Variants in TICRR observed in about 807,000 individuals in gnomAD.
TICRR encodes TOPBP1 interacting checkpoint and replication regulator, also known as treslin.
Under a neutral mutation model 178.1 loss-of-function variants are expected in TICRR, and 132 were observed. The observed-to-expected ratio is 0.74, with a 90% CI of 0.64 to 0.86. TICRR has a LOEUF of 0.86. TICRR is among the 40% of genes least tolerant of loss of function. The probability of loss-of-function intolerance (pLI) is 0.00; values close to 1 mark genes in which losing one functional copy is unlikely to be tolerated. For synonymous variants in TICRR, 991 were observed against 900.7 expected, an observed-to-expected ratio of 1.10 and a Z score of -1.79; for missense variants, 2,587 against 2,334.3, an observed-to-expected ratio of 1.11 and a Z score of -2.23.
At chr15:89,610,221 C>G (rs1368362241) in intron 15 of TICRR, among the ~76,000 whole-genome samples, 1 of 152,098 alleles carries the variant, frequency 6.6e-6, no homozygotes, top group African/African-American at 2.4e-5. Flanking sequence ...TGTGTTGGGT[C>G]TAGTGGATTT....
At position 89,616,474 on chromosome 15, in the gene TICRR, T is replaced by G. The variant is rs1963337346; in HGVS notation, c.2939T>G (p.Leu980Arg). ...CATAAGCAGATCTCCAAAAGGCTGC[T>G]GCACAGACAAATCAAGGGCAGGTGA... ...PVHKQISKRLLHRQIKGRSSD... is the reference protein window; with the variant it reads ...PVHKQISKRLRHRQIKGRSSD... Residue 980 changes from leucine to arginine, a missense_variant, in exon 16 of 22, where the codon CTG (leucine) becomes CGG (arginine). By Grantham distance (102) the Leu-to-Arg change is moderately radical. Coordinates refer to ENST00000268138, the MANE Select transcript of TICRR (RefSeq NM_152259.4). 3.7e-6 allele frequency: 6 copies of G among 1,613,880 alleles called. No homozygotes were observed. Among genetic ancestry groups the G allele is most frequent in the Non-Finnish European group, 4.2e-6 (5 of 1,179,896 alleles).
intron 15 of TICRR, among the ~76,000 whole-genome samples, chr15:89,611,736 T>G (rs907205937): frequency 6.6e-6 from 1 of 152,176 alleles, no homozygotes; most frequent in East Asian, 1.9e-4. Flanking sequence ...TCACTGATTC[T>G]TCTGCCAGCT....
rs1210988239 is a variant in TICRR, at chr15:89,599,790, G to A, written c.2052+315G>A. On this transcript the variant is annotated intron_variant, in intron 8 of 21. Transcript: ENST00000268138. ...GGTTTTTAACCCTGGCTATACTTTA[G>A]AATCACTTACAGCATTTAAAAAATA... Among the ~76,000 whole-genome samples the A allele has an allele frequency of 3.3e-5, 5 of 152,106 alleles. No individual in the cohort carries two copies. The East Asian group carries it at 9.6e-4, about 29-fold the overall frequency.
chr15:89,582,944 A>G lies in TICRR; in HGVS notation c.913A>G (p.Met305Val). 6.2e-7 allele frequency: 1 copy of G among 1,613,190 alleles called. No homozygotes were observed. The highest frequency in any genetic ancestry group is 8.5e-7 in the Non-Finnish European group (1 of 1,179,294). The change falls in exon 2 of 22, where the codon ATG becomes GTG. Residue 305 changes from methionine (M) to valine (V), a missense_variant. By Grantham distance (21) the Met-to-Val change is conservative (BLOSUM62 1). Transcript: ENST00000268138. ...GGCCTCGTTTCCACGAATGGAAGGA[A>G]TGTTATTTCTCCCTGTTGAAGGTAA... Reference protein sequence around the residue: ...YEASFPRMEGMLFLPVEAGKE... With the variant: ...YEASFPRMEGVLFLPVEAGKE...
In TICRR at chr15:89,595,438, G is replaced by C; in HGVS notation, c.1727G>C (p.Cys576Ser). 6.2e-7 allele frequency: 1 copy of C among 1,614,128 alleles called. No homozygotes were observed. Among genetic ancestry groups the C allele is most frequent in the Non-Finnish European group, 8.5e-7 (1 of 1,180,026 alleles). ...TPVRQKMNTM[C>S]RSLKMLNVAR... is the part of the protein sequence containing the mutation. ...GTGAGACAGAAGATGAATACCATGT[G>C]CCGTTCCTTAAAGATGTTGAATGTC... Residue 576 changes from cysteine (C) to serine (S), a missense_variant, in exon 7 of 22, where the codon TGC (cysteine) becomes TCC (serine). Coordinates refer to ENST00000268138, the MANE Select transcript of TICRR (RefSeq NM_152259.4).
At chr15:89,576,821 GTATATATATATATATATATATATA>G (rs369518649) in intron 1 of TICRR, among the ~76,000 whole-genome samples, 1 of 92,438 alleles carries the variant, frequency 1.1e-5, no homozygotes, top group African/African-American at 3.9e-5. Flanking sequence ...ATGTGTGTGT[GTATATATATATATATATATATATA>G]TATATATATA....
chr15:89,624,784 A>G lies in TICRR; in HGVS notation c.4474A>G (p.Arg1492Gly). The G allele has an allele frequency of 6.2e-7, 1 of 1,614,230 alleles. No individual in the cohort carries two copies. Among genetic ancestry groups the G allele is most frequent in the Non-Finnish European group, 8.5e-7 (1 of 1,180,038 alleles). Residue 1492 changes from arginine (R) to glycine (G), a missense_variant, in exon 20 of 22, where the codon AGG becomes GGG. By Grantham distance (125) the Arg-to-Gly change is moderately radical. Coordinates refer to ENST00000268138, the MANE Select transcript of TICRR (RefSeq NM_152259.4). Reference protein sequence around the residue: ...VLSVEEGEGLRTADAEKSSLS... With the variant: ...VLSVEEGEGLGTADAEKSSLS... Reference sequence around the variant, plus strand: ...ATCAGTGGAAGAGGGTGAGGGGCTAAGGACAGCAGATGCTGAGAAGTCTTC... The same window carrying G: ...ATCAGTGGAAGAGGGTGAGGGGCTAGGGACAGCAGATGCTGAGAAGTCTTC...
chr15:89,607,131 A>G (rs2141969579), intron 14 of TICRR, among the ~76,000 whole-genome samples: 1 of 152,274 alleles, frequency 6.6e-6, no homozygotes, highest in East Asian at 1.9e-4. Context: ...TTTAAGCATG[A>G]TAGCTAAATG....
intron 18 of TICRR, 137 bp from the exon 19 acceptor site, chr15:89,621,256 G>A (rs1320487610): frequency 1.3e-6 from 1 of 753,918 alleles, no homozygotes; most frequent in African/African-American, 1.9e-5. Context: ...CCTGACCTCA[G>A]ACCATCCACC....
intron 2 of TICRR, among the ~76,000 whole-genome samples, chr15:89,583,310 G>A (rs1050679267): frequency 3.9e-5 from 6 of 152,172 alleles, no homozygotes; most frequent in African/African-American, 1.4e-4. Flanking sequence ...GAAGACCATA[G>A]AGAAACAATG....
intron 16 of TICRR, among the ~76,000 whole-genome samples, chr15:89,617,481 T>C (rs1363561621): frequency 6.6e-6 from 1 of 152,134 alleles, no homozygotes; most frequent in African/African-American, 2.4e-5. Flanking sequence ...TGTTGTAAAA[T>C]TGCTTTCCAA....
Position 89,575,535 on chromosome 15 carries a change from G to A in TICRR, c.-52G>A, listed in dbSNP as rs571784136. ...CTGTTTCCCTGAAGGAAGGGACTAA[G>A]GGACGGTGGCGCGGGCCCGGACCGG... On this transcript the variant is annotated 5_prime_UTR_variant, in exon 1 of 22. Transcript: ENST00000268138. 17 of 1,437,936 alleles carry A rather than the reference G, an allele frequency of 1.2e-5. No individual in the cohort carries two copies. Among genetic ancestry groups the A allele is most frequent in the African/African-American group, 7.3e-5 (5 of 68,542 alleles). 89.1% of individuals were successfully genotyped at this position (1,437,936 alleles called of 1,614,324 possible).
intron 2 of TICRR, 86 bp from the exon 3 acceptor site, chr15:89,584,200 T>G: frequency 7.8e-7 from 1 of 1,288,422 alleles, no homozygotes; most frequent in Non-Finnish European, 1.1e-6. Flanking sequence ...TAAATCTCTT[T>G]TTAGTATCTA....
At chr15:89,582,987 G>T in intron 2 of TICRR, 22 bp downstream of exon 2, 25 of 1,229,234 alleles carry the variant, frequency 2.0e-5, no homozygotes, top group African/African-American at 6.3e-5. Flanking sequence ...ATATTTTAAG[G>T]TTTTTTTTTT....
chr15:89,609,057 T>A, intron 15 of TICRR, 108 bp downstream of exon 15: 1 of 994,294 alleles, frequency 1.0e-6, no homozygotes, highest in Non-Finnish European at 1.4e-6. Flanking sequence ...TTCTTCCCTC[T>A]TTTTTCCTTC....
intron 18 of TICRR, among the ~76,000 whole-genome samples, chr15:89,620,944 G>C (rs559394403): frequency 1.3e-5 from 2 of 151,292 alleles, no homozygotes; most frequent in African/African-American, 4.9e-5. Flanking sequence ...GGATAGTCTC[G>C]ATCTCCGACT....
intron 1 of TICRR, among the ~76,000 whole-genome samples, chr15:89,577,498 G>A (rs1962644556): frequency 6.7e-6 from 1 of 150,126 alleles, no homozygotes; most frequent in Non-Finnish European, 1.5e-5. Context: ...AAACAGATAA[G>A]CAAGTGACAA....
At position 89,617,750 on chromosome 15, in the gene TICRR, G is replaced by C. The variant is rs1423685139; in HGVS notation, c.2961-402G>C. Among the ~76,000 whole-genome samples, 7 of 150,312 alleles carry C rather than the reference G, an allele frequency of 4.7e-5. No individual in the cohort carries two copies. In the South Asian group the frequency reaches 1.3e-3, roughly 27 times the overall value. On this transcript the variant is annotated intron_variant, in intron 16 of 21. Coordinates refer to ENST00000268138, the MANE Select transcript of TICRR (RefSeq NM_152259.4). Reference sequence around the variant, plus strand: ...CTCTGTCGCCAGGCTGGAGTGCAGTGGCGCGATCCTGGCTCACTGCAACGT... The same window carrying C: ...CTCTGTCGCCAGGCTGGAGTGCAGTCGCGCGATCCTGGCTCACTGCAACGT...
chr15:89,585,746 C>T lies in TICRR; in HGVS notation c.1215C>T (p.Ile405=). Residue 405 remains isoleucine, a synonymous_variant, in exon 4 of 22, where the codon ATC becomes ATT. Transcript: ENST00000268138. ...DVDPGEGRPP[I]TGVISPLSAS... is the part of the protein sequence containing the mutation. ...ACCCTGGTGAAGGCCGGCCCCCCAT[C>T]ACTGGAGTTATTTCCCCACTCTCTG... 1 of 1,614,172 alleles carries T rather than the reference C, an allele frequency of 6.2e-7. No homozygotes were observed. The highest frequency in any genetic ancestry group is 8.5e-7 in the Non-Finnish European group (1 of 1,180,026).
Sources: gnomAD v4.1 joint callset for allele counts (sites outside exome capture counted in the v4.1 genomes callset) on GRCh38, gnomAD v4.1.1 for gene constraint, MANE v1.5 for transcripts, NCBI Gene and HGNC (gene_info 2026-07-23, HGNC 2026-07-21) for gene names.